ZC3H7B: variants seen among roughly 807,000 people sequenced by gnomAD.
ZC3H7B encodes the protein zinc finger CCCH domain-containing protein 7B.
ZC3H7B carries 35 observed loss-of-function variants against 116.0 expected under a neutral mutation model. The ratio of observed to expected loss-of-function variants is 0.30; its 90% CI spans 0.23 to 0.40. The LOEUF is 0.40. Among genes scored for constraint, ZC3H7B ranks in the 10% least tolerant of loss-of-function variants. ZC3H7B has a pLI of 1.00. For synonymous variants in ZC3H7B, 502 were observed against 545.6 expected, an observed-to-expected ratio of 0.92 and a Z score of 1.11; for missense variants, 1,011 against 1,321.5, an observed-to-expected ratio of 0.77 and a Z score of 3.64.
intron 13 of ZC3H7B, among the ~76,000 whole-genome samples, chr22:41,344,256 A>T (rs536861107): frequency 5.3e-5 from 8 of 152,126 alleles, no homozygotes; most frequent in African/African-American, 1.7e-4. Flanking sequence ...CTCTCCCCCA[A>T]CCTGGCCCCT....
Position 41,338,168 on chromosome 22 carries a change from G to A in ZC3H7B, c.583-145G>A, listed in dbSNP as rs1215365653. The stretch of plus-strand genomic sequence containing the variant: ...TAGGCATAAGCCACCACGCCTGGCC[G>A]CATGTGAGGGCTTTAATCTCCCCTG... On this transcript the variant is annotated intron_variant, in intron 7 of 22. Transcript: ENST00000352645. This position sits in a 1 kb window ranked among gnomAD's most constrained non-coding sequence, Gnocchi z 4.5. 1.9e-5 allele frequency: 15 copies of A among 797,902 alleles called. No individual in the cohort carries two copies. Among genetic ancestry groups the A allele is most frequent in the South Asian group, 1.8e-5 (1 of 55,668 alleles). 49.4% of individuals were successfully genotyped at this position (797,902 alleles called of 1,614,324 possible). A position where few individuals can be genotyped will look rare whatever the true frequency, so the allele number is the denominator to read the frequency against.
Position 41,320,728 on chromosome 22 carries a change from G to A in ZC3H7B, c.53+15G>A, listed in dbSNP as rs990418130. 10 of 1,613,674 alleles carry A rather than the reference G, an allele frequency of 6.2e-6. No homozygotes were observed. The highest frequency in any genetic ancestry group is 1.1e-5 in the South Asian group (1 of 91,050). On this transcript the variant is annotated intron_variant, in intron 2 of 22. Transcript: ENST00000352645. ...CAGTTCATTCAGTAAGCCTGCATGCGGCAGGGGCTGGACGGCTGGGTGGGC... is the reference window on the plus strand; with the variant it reads ...CAGTTCATTCAGTAAGCCTGCATGCAGCAGGGGCTGGACGGCTGGGTGGGC...
chr22:41,305,529 C>T (rs1456671133), intron 1 of ZC3H7B, among the ~76,000 whole-genome samples: 1 of 151,932 alleles, frequency 6.6e-6, no homozygotes, highest in Non-Finnish European at 1.5e-5. Flanking sequence ...AAAATGGAGA[C>T]TGGATGGTCT....
intron 22 of ZC3H7B, 113 bp downstream of exon 22, chr22:41,356,921 C>A: frequency 6.7e-7 from 1 of 1,497,340 alleles, no homozygotes; most frequent in Non-Finnish European, 9.0e-7. Flanking sequence ...AGTGGTGAGG[C>A]TTGGCTGTGA....
intron 7 of ZC3H7B, chr22:41,336,918 C>G (rs9623382): frequency 6.6e-6 from 1 of 151,478 alleles, no homozygotes; most frequent in African/African-American, 2.4e-5. Flanking sequence ...GGTGGATCAC[C>G]TAAGGTCCGG....
intron 5 of ZC3H7B, among the ~76,000 whole-genome samples, chr22:41,328,894 A>C (rs2036347843): frequency 6.6e-6 from 1 of 152,084 alleles, no homozygotes; most frequent in South Asian, 2.1e-4. Context: ...TGTTTAAAAA[A>C]AGAAAGAGAT....
chr22:41,310,147 G>T (rs947451461), intron 1 of ZC3H7B, among the ~76,000 whole-genome samples: 1 of 152,226 alleles, frequency 6.6e-6, no homozygotes. Flanking sequence ...GGAGCTTACA[G>T]TGAGCAGAGA....
rs765158910 is a variant in ZC3H7B, at chr22:41,343,511, C to T, written c.1394C>T (p.Thr465Ile). ...CGGCTCCGGAGCTCGGAGGACCAGA[C>T]CTGGAAGCGGATCCGGCCCCGGCCC... Reference protein sequence around the residue: ...LGRLRSSEDQTWKRIRPRPTK... With the variant: ...LGRLRSSEDQIWKRIRPRPTK... The change falls in exon 13 of 23, where the codon ACC becomes ATC. Residue 465 changes from threonine to isoleucine, a missense_variant. Physicochemically the swap from Thr to Ile is moderately conservative, Grantham distance 89 (BLOSUM62 -1). Around this residue, in one of 5 missense-constraint regions of ZC3H7B, gnomAD observed 179 missense variants for 178.5 expected, o/e 1.00. Coordinates refer to ENST00000352645, the MANE Select transcript of ZC3H7B (RefSeq NM_017590.6). 6.2e-6 allele frequency: 10 copies of T among 1,613,650 alleles called. No individual in the cohort carries two copies. The South Asian group carries it at 1.1e-4, about 18-fold the overall frequency.
chr22:41,343,080 G>A (rs1020366605), intron 12 of ZC3H7B, among the ~76,000 whole-genome samples: 3 of 152,052 alleles, frequency 2.0e-5, no homozygotes, highest in African/African-American at 7.3e-5. Context: ...GGCTGAGGCA[G>A]GAGAATTGCT....
chr22:41,310,137 G>T (rs1429863662), intron 1 of ZC3H7B, among the ~76,000 whole-genome samples: 3 of 152,124 alleles, frequency 2.0e-5, no homozygotes, highest in Non-Finnish European at 4.4e-5. Context: ...CCCGGGAGGC[G>T]GAGCTTACAG....
In ZC3H7B at chr22:41,338,465, TC is replaced by T; in HGVS notation, c.625+114del. The stretch of plus-strand genomic sequence containing the variant: ...GTAGATGGGAGGGCCTCCGAGGGGT[TC>T]CCCACCCTGGTACTCCCTGAGGCAT... On this transcript the variant is annotated intron_variant, in intron 8 of 22. Transcript: ENST00000352645. The surrounding 1 kb of genome is among the most constrained non-coding windows in gnomAD (Gnocchi z 4.5). The T allele has an allele frequency of 1.7e-6, 2 of 1,174,362 alleles. No individual in the cohort carries two copies. Among genetic ancestry groups the T allele is most frequent in the South Asian group, 1.3e-5 (1 of 74,224 alleles). The allele number at this position is 1,174,362 out of a possible 1,614,324, so 72.7% of individuals were successfully genotyped here.
intron 11 of ZC3H7B, among the ~76,000 whole-genome samples, chr22:41,342,201 A>C (rs1235624106): frequency 6.6e-6 from 1 of 152,158 alleles, no homozygotes; most frequent in Admixed American, 6.5e-5. Flanking sequence ...GCATGAGCAC[A>C]GGCTGCAATC....
chr22:41,339,273 C>T (rs1401148747), intron 9 of ZC3H7B, 82 bp downstream of exon 9: 4 of 1,479,684 alleles, frequency 2.7e-6, no homozygotes, highest in Admixed American at 2.1e-5. Context: ...GAGGGAAGGC[C>T]CCAATGCTCA....
chr22:41,307,133 C>T (rs1266990150), intron 1 of ZC3H7B, among the ~76,000 whole-genome samples: 1 of 152,038 alleles, frequency 6.6e-6, no homozygotes, highest in Admixed American at 6.6e-5. Context: ...ACCACCACAC[C>T]TGGCTAATTT....
At position 41,338,178 on chromosome 22, in the gene ZC3H7B, G is replaced by A. The variant is rs2036469986; in HGVS notation, c.583-135G>A. ...CCACCACGCCTGGCCGCATGTGAGGGCTTTAATCTCCCCTGGCACTCTAAG... is the reference window on the plus strand; with the variant it reads ...CCACCACGCCTGGCCGCATGTGAGGACTTTAATCTCCCCTGGCACTCTAAG... On this transcript the variant is annotated intron_variant, in intron 7 of 22. Transcript: ENST00000352645. This position sits in a 1 kb window ranked among gnomAD's most constrained non-coding sequence, Gnocchi z 4.5. 1 of 890,798 alleles carries A rather than the reference G, an allele frequency of 1.1e-6. No homozygotes were observed. The highest frequency in any genetic ancestry group is 1.7e-6 in the Non-Finnish European group (1 of 586,502). 55.2% of individuals were successfully genotyped at this position (890,798 alleles called of 1,614,324 possible).
In ZC3H7B at chr22:41,345,953, G is replaced by A. The variant is rs781642545; in HGVS notation, c.1460-50G>A. On this transcript the variant is annotated intron_variant, in intron 13 of 22. Transcript: ENST00000352645. ...CGCAGCGGGGTGGCGAGGGTGCTGC[G>A]GGCTGCTATCCCCGCCTGGCGGAAC... 4.9e-5 allele frequency: 79 copies of A among 1,597,130 alleles called. No homozygotes were observed. The East Asian group carries it at 1.6e-3, about 33-fold the overall frequency.
chr22:41,339,864 C>A lies in ZC3H7B; in HGVS notation c.865C>A (p.Pro289Thr). The A allele has an allele frequency of 6.2e-7, 1 of 1,612,614 alleles. No homozygotes were observed. The highest frequency in any genetic ancestry group is 8.5e-7 in the Non-Finnish European group (1 of 1,179,268). Residue 289 changes from proline (P) to threonine (T), a missense_variant, in exon 10 of 23, where the codon CCC becomes ACC. Around this residue, in one of 5 missense-constraint regions of ZC3H7B, gnomAD observed 322 missense variants for 443.9 expected, o/e 0.73. Coordinates refer to ENST00000352645, the MANE Select transcript of ZC3H7B (RefSeq NM_017590.6). Reference protein sequence around the residue: ...LSGSGVPSELPQLIPVFPGGT... With the variant: ...LSGSGVPSELTQLIPVFPGGT... ...TGGCAGCGGCGTGCCTAGTGAGTTG[C>A]CCCAGCTGATACCCGTGTTCCCCGG...
At chr22:41,352,168 T>C (rs755563170) in intron 17 of ZC3H7B, among the ~76,000 whole-genome samples, 3 of 152,230 alleles carry the variant, frequency 2.0e-5, no homozygotes, top group Admixed American at 6.5e-5. Context: ...AACGGTTCTT[T>C]AGTCTTTGCC....
rs544221655 is a variant in ZC3H7B, at chr22:41,354,146, G to A, written c.2035-1323G>A. 7.9e-5 allele frequency among the ~76,000 whole-genome samples: 12 copies of A among 152,316 alleles called. 1 individual carries two copies. The South Asian group carries it at 2.5e-3, about 32-fold the overall frequency. ...GTCTGGCTCTAAGGGAGGAGCTCAG[G>A]ACTGCAGTGGCTGTCATTAGTGCAG... On this transcript the variant is annotated intron_variant, in intron 17 of 22. Coordinates refer to ENST00000352645, the MANE Select transcript of ZC3H7B (RefSeq NM_017590.6).
Sources: gnomAD v4.1 joint callset for allele counts (sites outside exome capture counted in the v4.1 genomes callset) on GRCh38, gnomAD v4.1.1 for gene constraint, gnomAD v4.1.1 regional missense constraint, Gnocchi (gnomAD v3.1) non-coding constraint, MANE v1.5 for transcripts, NCBI Gene and HGNC (gene_info 2026-07-23, HGNC 2026-07-21) for gene names.